OSBPL7: variants seen among roughly 807,000 people sequenced by gnomAD.
The protein encoded by OSBPL7 is oxysterol-binding protein-related protein 7.
A neutral mutation model predicts 115.8 loss-of-function variants in OSBPL7; 66 were observed. The ratio of observed to expected loss-of-function variants is 0.57; its 90% confidence interval spans 0.47 to 0.70. The LOEUF is 0.70. Ranked by LOEUF, OSBPL7 falls within the 30% of genes least tolerant of loss-of-function variation. The probability of loss-of-function intolerance (pLI) is 0.00; values close to 1 mark genes in which losing one functional copy is unlikely to be tolerated. For missense variants in OSBPL7, 902 were observed against 1,125.5 expected (o/e 0.80, Z 2.84); for synonymous variants, 441 against 439.2 (o/e 1.00, Z -0.05).
chr17:47,818,114 CTAGACAGGGCCCAGG>C (rs1359563060), intron 7 of OSBPL7, among the ~76,000 whole-genome samples, 140 bp downstream of exon 7: 1 of 152,216 alleles, frequency 6.6e-6, no homozygotes, highest in Non-Finnish European at 1.5e-5. Context: ...TGGGACTCCC[CTAGACAGGGCCCAGG>C]TAGACTGGAT....
At position 47,809,008 on chromosome 17, in the gene OSBPL7, G is replaced by C; in HGVS notation, c.2171-18C>G. On this transcript the variant is annotated intron_variant, in intron 20 of 22. Coordinates refer to ENST00000007414, the MANE Select transcript of OSBPL7 (RefSeq NM_145798.3). The stretch of plus-strand genomic sequence containing the variant: ...CATTGAGTCTGGGGGAAGGCAAGGG[G>C]CTGGGGCAGGTGCACCATGCCTGAG... The C allele has an allele frequency of 6.2e-7, 1 of 1,613,822 alleles. No homozygotes were observed.
intron 4 of OSBPL7, 179 bp from the exon 5 acceptor site, chr17:47,819,278 C>G (rs1327315627): frequency 3.4e-6 from 2 of 593,978 alleles, no homozygotes; most frequent in East Asian, 5.7e-5. Context: ...AGAACGCTCC[C>G]CTACGTCAAG....
Position 47,820,255 on chromosome 17 carries a change from CGGG to C in OSBPL7, c.21_23del (p.Asp7_Pro8delinsGlu). On this transcript the variant is annotated inframe_deletion, in exon 2 of 23. Transcript: ENST00000007414. The stretch of plus-strand genomic sequence containing the variant: ...ACTGAGCGCTCTCAGGCAGGAAGGG[CGGG>C]TCCCTCTCTTGGAAGTCCATGGAGA... 6.2e-7 allele frequency: 1 copy of C among 1,613,788 alleles called. No individual in the cohort carries two copies. The highest frequency in any genetic ancestry group is 8.5e-7 in the Non-Finnish European group (1 of 1,179,890).
intron 12 of OSBPL7, chr17:47,815,720 C>A: frequency 3.2e-6 from 1 of 314,164 alleles, no homozygotes; most frequent in Non-Finnish European, 5.9e-6. Flanking sequence ...CTCAGGATCA[C>A]AAAGCCGGCA....
rs1479912192 is a variant in OSBPL7 at position 47,818,192 on chromosome 17, T to G, written c.598+77A>C. ...AAACTGGGGCTCCCTGAGGCAGGGA[T>G]GGAGGTAACATTTTCCCCTCCTAGA... On this transcript the variant is annotated intron_variant, in intron 7 of 22. Transcript: ENST00000007414. The G allele has an allele frequency of 5.5e-6, 7 of 1,264,900 alleles. No homozygotes were observed. The South Asian group carries it at 9.7e-5, about 18-fold the overall frequency. 78.4% of individuals were successfully genotyped at this position (1,264,900 alleles called of 1,614,324 possible). A position where few individuals can be genotyped will look rare whatever the true frequency, so the allele number is the denominator to read the frequency against.
Position 47,813,843 on chromosome 17 carries a change from G to T in OSBPL7, c.1352-9C>A. ...CCCTGGAACACACCCCCCTGGGGCC[G>T]CCCTGCCATGTCACTCTCCATCTGG... On this transcript the variant is annotated splice_polypyrimidine_tract_variant and intron_variant, in intron 14 of 22. Coordinates refer to ENST00000007414, the MANE Select transcript of OSBPL7 (RefSeq NM_145798.3). 6.3e-7 allele frequency: 1 copy of T among 1,599,232 alleles called. No individual in the cohort carries two copies. Among genetic ancestry groups the T allele is most frequent in the Non-Finnish European group, 8.5e-7 (1 of 1,175,584 alleles).
Position 47,813,652 on chromosome 17 carries a change from C to T in OSBPL7, c.1534G>A (p.Glu512Lys), listed in dbSNP as rs139618928. The T allele has an allele frequency of 2.5e-6, 4 of 1,613,164 alleles. No individual in the cohort carries two copies. Among genetic ancestry groups the T allele is most frequent in the Non-Finnish European group, 2.5e-6 (3 of 1,180,014 alleles). ...AGGAGGCTGCTGTACTCCAGCTCCT[C>T]GCAGAGCCGCTGCAGAGTGTTGAGC... ...EPLNTLQRLC[E>K]ELEYSSLLDQ... is the part of the protein sequence containing the mutation. Residue 512 changes from glutamate (E) to lysine (K), a missense_variant, in exon 15 of 23, where the codon GAG becomes AAG. Glu to Lys is a moderately conservative substitution (Grantham distance 56, BLOSUM62 1). Transcript: ENST00000007414.
intron 4 of OSBPL7, 145 bp from the exon 5 acceptor site, chr17:47,819,244 C>A: frequency 1.6e-6 from 1 of 642,668 alleles, no homozygotes; most frequent in Non-Finnish European, 2.8e-6. Flanking sequence ...TCAGTAGAGA[C>A]TTGTCAATCA....
intron 7 of OSBPL7, among the ~76,000 whole-genome samples, chr17:47,817,845 A>C (rs955315995): frequency 6.6e-6 from 1 of 152,120 alleles, no homozygotes; most frequent in Non-Finnish European, 1.5e-5. Context: ...TCTCTAGACC[A>C]TGCCTCACCT....
chr17:47,814,713 G>A, intron 13 of OSBPL7, 99 bp from the exon 14 acceptor site: 1 of 1,019,390 alleles, frequency 9.8e-7, no homozygotes, highest in Non-Finnish European at 1.5e-6. Flanking sequence ...TAGCCCTTTG[G>A]TGGGAAGGGG....
rs750211455 is a variant in OSBPL7 at position 47,818,400 on chromosome 17, C to T, written c.481-14G>A. On this transcript the variant is annotated splice_polypyrimidine_tract_variant and intron_variant, in intron 6 of 22. Transcript: ENST00000007414. ...GGCACCAGGAACCTGTGGGGTGAGC[C>T]CAGGGTCAGGAAGGATGATGCCCAC... The T allele has an allele frequency of 2.5e-6, 4 of 1,610,850 alleles. No homozygotes were observed. The highest frequency in any genetic ancestry group is 3.4e-6 in the Non-Finnish European group (4 of 1,178,132).
intron 16 of OSBPL7, among the ~76,000 whole-genome samples, chr17:47,812,374 C>G (rs1226925054): frequency 1.3e-5 from 2 of 152,340 alleles, no homozygotes; most frequent in South Asian, 2.1e-4. Context: ...CCTCCTCCCT[C>G]TAAGCTGGCC....
chr17:47,818,289 C>T lies in OSBPL7; in HGVS notation c.578G>A (p.Gly193Glu). The T allele has an allele frequency of 6.2e-7, 1 of 1,613,928 alleles. No homozygotes were observed. The highest frequency in any genetic ancestry group is 8.5e-7 in the Non-Finnish European group (1 of 1,179,922). ...KVSSWLRDSD[G>E]LDRCSHELSE... ...CTCACCATGAGAGCAGCGGTCCAGC[C>T]CATCACTGTCCCTCAGCCAGGAAGA... is the stretch of plus-strand genomic sequence containing the variant. Residue 193 changes from glycine (G) to glutamate (E), a missense_variant, in exon 7 of 23, where the codon GGG (glycine) becomes GAG (glutamate). Transcript: ENST00000007414.
At chr17:47,820,557 A>C in intron 1 of OSBPL7, 192 bp from the exon 2 acceptor site, 1 of 410,322 alleles carries the variant, frequency 2.4e-6, no homozygotes, top group Non-Finnish European at 4.4e-6. Context: ...CTGAGAGTGA[A>C]CTAGCACACA....
intron 6 of OSBPL7, 38 bp from the exon 7 acceptor site, chr17:47,818,424 A>G: frequency 6.3e-7 from 1 of 1,598,766 alleles, no homozygotes; most frequent in Non-Finnish European, 8.5e-7. Flanking sequence ...GATGATGCCC[A>G]CCTCCCTGGG....
chr17:47,817,361 T>G lies in OSBPL7; in HGVS notation c.599-2A>C. On this transcript the variant is annotated splice_acceptor_variant, in intron 7 of 22. Coordinates refer to ENST00000007414, the MANE Select transcript of OSBPL7 (RefSeq NM_145798.3). LOFTEE classifies it high-confidence loss of function. ...GCTTCCCCTGACACTCAGAGAGCTC[T>G]GCGGGGAAAAAGAACAAGAACAAGA... 2 of 1,595,858 alleles carry G rather than the reference T, an allele frequency of 1.3e-6. No individual in the cohort carries two copies. Among genetic ancestry groups the G allele is most frequent in the Non-Finnish European group, 1.7e-6 (2 of 1,172,968 alleles).
At chr17:47,817,123 G>T in intron 8 of OSBPL7, 133 bp downstream of exon 8, 1 of 743,178 alleles carries the variant, frequency 1.3e-6, no homozygotes, top group Non-Finnish European at 2.2e-6. Context: ...ACATGGGTAA[G>T]GGGTGGGGAG....
intron 18 of OSBPL7, 53 bp downstream of exon 18, chr17:47,810,541 C>T: frequency 6.5e-7 from 1 of 1,527,216 alleles, no homozygotes; most frequent in Non-Finnish European, 9.1e-7. Context: ...CCCCCTCCAG[C>T]CTGAAGGATT....
chr17:47,815,564 G>C (rs1007719909), intron 12 of OSBPL7: 1 of 604,318 alleles, frequency 1.7e-6, no homozygotes, highest in African/African-American at 1.9e-5. Flanking sequence ...GGGGACGCAG[G>C]CTCCATTATA....
Sources: allele counts gnomAD v4.1 joint callset (sites outside exome capture counted in the v4.1 genomes callset), GRCh38; gene constraint gnomAD v4.1.1; transcripts MANE v1.5; gene names NCBI Gene and HGNC (gene_info 2026-07-23, HGNC 2026-07-21).